The following NUP62CL variants were observed in gnomAD, a reference collection of about 807,000 sequenced individuals.
NUP62CL encodes the protein nucleoporin-62 C-terminal-like protein.
NUP62CL carries 13 observed loss-of-function variants against 15.3 expected under a neutral mutation model. The ratio of observed to expected loss-of-function variants is 0.85; its 90% CI spans 0.55 to 1.35. The LOEUF is 1.35. Among genes scored for constraint, NUP62CL ranks in the 40% most tolerant of loss-of-function variants. The probability of loss-of-function intolerance (pLI) is 0.00; values close to 1 mark genes in which losing one functional copy is unlikely to be tolerated. For synonymous variants in NUP62CL, 54 were observed against 49.2 expected (o/e 1.10, Z -0.41); for missense variants, 123 against 130.6 (o/e 0.94, Z 0.28).
At chrX:107,156,443 A>C (rs1260362362) in intron 4 of NUP62CL, among the ~76,000 whole-genome samples, 1 of 106,456 alleles carries the variant, frequency 9.4e-6, no homozygotes, top group African/African-American at 3.4e-5. Flanking sequence ...GAGAACAGGC[A>C]GACTGCCTCC....
chrX:107,147,761 A>G lies in NUP62CL; in HGVS notation c.*24T>C, dbSNP rs1191543759. 2 of 1,183,426 alleles carry G rather than the reference A, an allele frequency of 1.7e-6. No homozygotes were observed. The highest frequency in any genetic ancestry group is 3.0e-5 in the East Asian group (1 of 33,682). On this transcript the variant is annotated 3_prime_UTR_variant, in exon 8 of 9. Coordinates refer to ENST00000372466, the MANE Select transcript of NUP62CL (RefSeq NM_017681.3). ...CTCCCACCTGAATTCCGATCAATCC[A>G]CTGCAGGGAGTCCATATGGGCATTC... is the stretch of plus-strand genomic sequence containing the variant.
Position 107,133,335 on chromosome X carries a change from CT to C in NUP62CL, c.*43-9004del, listed in dbSNP as rs560078535. 7.3e-3 allele frequency among the ~76,000 whole-genome samples: 766 copies of C among 104,657 alleles called. 6 individuals carry two copies. The highest frequency in any genetic ancestry group is 0.024 in the African/African-American group (685 of 28,854). 90.9% of individuals were successfully genotyped at this position (104,657 alleles called of 115,157 possible). ...AATCTCCCTATTTTAAGATCGATAA[CT>C]TTTTTTTTTTTCCTTTGGGACAGGG... On this transcript the variant is annotated intron_variant, in intron 8 of 8. Coordinates refer to ENST00000372466, the MANE Select transcript of NUP62CL (RefSeq NM_017681.3).
At chrX:107,147,620 G>A (rs377702659) in intron 8 of NUP62CL, 123 bp downstream of exon 8, 2 of 481,089 alleles carry the variant, frequency 4.2e-6, no homozygotes, top group Non-Finnish European at 7.6e-6. Flanking sequence ...TACACATACT[G>A]TGCGTTAAGC....
intron 2 of NUP62CL, among the ~76,000 whole-genome samples, chrX:107,189,812 A>C (rs866973161): frequency 1.5e-5 from 1 of 67,279 alleles, no homozygotes; most frequent in African/African-American, 5.7e-5. Context: ...GAGAGAGAGA[A>C]AGAAAGAAAG....
chrX:107,153,806 G>GA (rs1926106257), intron 5 of NUP62CL, among the ~76,000 whole-genome samples: 1 of 110,682 alleles, frequency 9.0e-6, no homozygotes, highest in African/African-American at 3.3e-5. Flanking sequence ...TATCCCTACT[G>GA]AAAAAACACA....
At position 107,123,972 on chromosome X, in the gene NUP62CL, G is replaced by A. The variant is rs55771212; in HGVS notation, c.*403C>T. On this transcript the variant is annotated 3_prime_UTR_variant, in exon 9 of 9. Coordinates refer to ENST00000372466, the MANE Select transcript of NUP62CL (RefSeq NM_017681.3). ...TGGAGTGAGAAGGATGATGTGTACT[G>A]ATGCCAGGGAGAGTAAGACATAAAT... 1.0e-5 allele frequency: 2 copies of A among 198,339 alleles called. No individual in the cohort carries two copies. Among genetic ancestry groups the A allele is most frequent in the Admixed American group, 7.9e-5 (1 of 12,719 alleles). 16.3% of individuals were successfully genotyped at this position (198,339 alleles called of 1,213,427 possible).
intron 1 of NUP62CL, among the ~76,000 whole-genome samples, chrX:107,204,536 T>C (rs1474319472): frequency 9.1e-6 from 1 of 110,241 alleles, no homozygotes; most frequent in Non-Finnish European, 1.9e-5. Context: ...ATAACATTTG[T>C]TCCCCAAGAA....
chrX:107,189,821 A>G (rs867368357), intron 2 of NUP62CL, among the ~76,000 whole-genome samples: 18 of 54,287 alleles, frequency 3.3e-4, no homozygotes, highest in Middle Eastern at 7.1e-3. Context: ...AAAGAAAGAA[A>G]GAAGGAGGGA....
intron 2 of NUP62CL, among the ~76,000 whole-genome samples, chrX:107,190,319 A>C (rs1365081938): frequency 8.9e-6 from 1 of 112,109 alleles, no homozygotes; most frequent in African/African-American, 3.2e-5. Flanking sequence ...CTCCTGATAA[A>C]TTTCATTTCA....
intron 2 of NUP62CL, among the ~76,000 whole-genome samples, chrX:107,190,591 A>G (rs2147815835): frequency 8.9e-6 from 1 of 111,909 alleles, no homozygotes; most frequent in South Asian, 3.8e-4. Flanking sequence ...ACCTCCAACA[A>G]GAGAAGTGAC....
chrX:107,174,611 T>C (rs113787937), intron 3 of NUP62CL, among the ~76,000 whole-genome samples: 39 of 111,829 alleles, frequency 3.5e-4, no homozygotes, highest in Non-Finnish European at 2.8e-4. Flanking sequence ...ACAATGTCAA[T>C]TAGAACCCCA....
In NUP62CL at chrX:107,167,675, G is replaced by A. The variant is rs1179764110; in HGVS notation, c.168C>T (p.Asn56=). 5.0e-6 allele frequency: 6 copies of A among 1,207,470 alleles called. No homozygotes were observed. The highest frequency in any genetic ancestry group is 6.7e-6 in the Non-Finnish European group (6 of 892,698). ...QNQLLSRGFE[N]LVPYTSTVSV... is the part of the protein sequence containing the mutation. ...TAACAGTTGAAGTATAAGGTACAAG[G>A]TTTTCAAACCCTCTTGATAACAGTT... Residue 56 remains asparagine (N), a synonymous_variant, in exon 4 of 9, where the codon AAC becomes AAT. Coordinates refer to ENST00000372466, the MANE Select transcript of NUP62CL (RefSeq NM_017681.3).
At chrX:107,159,452 C>A (rs1926298443) in intron 4 of NUP62CL, among the ~76,000 whole-genome samples, 1 of 46,948 alleles carries the variant, frequency 2.1e-5, no homozygotes, top group Admixed American at 2.9e-4. Flanking sequence ...GGGCTTCATC[C>A]CTGGGATGCA....
chrX:107,124,140 T>C lies in NUP62CL; in HGVS notation c.*235A>G, dbSNP rs1569352084. On this transcript the variant is annotated 3_prime_UTR_variant, in exon 9 of 9. Transcript: ENST00000372466. ...AATGAAAAAAAGGATGCACAATTCA[T>C]TATGATCAAGATGAAATATTAAGTA... 3.6e-6 allele frequency: 1 copy of C among 278,864 alleles called. No individual in the cohort carries two copies. The highest frequency in any genetic ancestry group is 2.9e-5 in the African/African-American group (1 of 34,665). 23.0% of individuals were successfully genotyped at this position (278,864 alleles called of 1,213,427 possible).
intron 2 of NUP62CL, among the ~76,000 whole-genome samples, chrX:107,182,531 T>G (rs995463361): frequency 1.8e-5 from 2 of 108,496 alleles, no homozygotes; most frequent in African/African-American, 6.8e-5. Context: ...AAAATAGCAG[T>G]TTTTTTTAAA....
rs1355267340 is a variant in NUP62CL at position 107,157,557 on chromosome X, A to C, written c.195-3311T>G. ...TTCATAAGTGAAGGAGAAATAAAATACTTTACAGACAAGCAAGTGCTGAGA... is the reference window on the plus strand; with the variant it reads ...TTCATAAGTGAAGGAGAAATAAAATCCTTTACAGACAAGCAAGTGCTGAGA... On this transcript the variant is annotated intron_variant, in intron 4 of 8. Transcript: ENST00000372466. Among the ~76,000 whole-genome samples, 653 of 106,021 alleles carry C rather than the reference A, an allele frequency of 6.2e-3. 7 individuals carry two copies. Among genetic ancestry groups the C allele is most frequent in the African/African-American group, 0.021 (607 of 28,916 alleles). 92.1% of individuals were successfully genotyped at this position (106,021 alleles called of 115,157 possible). A position where few individuals can be genotyped will look rare whatever the true frequency, so the allele number is the denominator to read the frequency against.
chrX:107,143,493 G>T (rs778740291), intron 8 of NUP62CL, among the ~76,000 whole-genome samples: 1 of 110,832 alleles, frequency 9.0e-6, no homozygotes, highest in South Asian at 3.8e-4. Flanking sequence ...GGGATTGCAG[G>T]TATGAGAGAC....
In NUP62CL at chrX:107,161,409, C is replaced by T. The variant is rs1243671583; in HGVS notation, c.194+6240G>A. 1.8e-3 allele frequency among the ~76,000 whole-genome samples: 164 copies of T among 92,671 alleles called. 1 individual carries two copies. Among genetic ancestry groups the T allele is most frequent in the African/African-American group, 6.4e-3 (157 of 24,574 alleles). 80.5% of individuals were successfully genotyped at this position (92,671 alleles called of 115,157 possible). A position where few individuals can be genotyped will look rare whatever the true frequency, so the allele number is the denominator to read the frequency against. ...AATGTCCAACAATGATAGACTGGAT[C>T]AAGAAAATGTGGCACATATACACCA... is the stretch of plus-strand genomic sequence containing the variant. On this transcript the variant is annotated intron_variant, in intron 4 of 8. Coordinates refer to ENST00000372466, the MANE Select transcript of NUP62CL (RefSeq NM_017681.3).
intron 8 of NUP62CL, among the ~76,000 whole-genome samples, chrX:107,136,287 C>G (rs1925638759): frequency 1.8e-5 from 2 of 111,641 alleles, no homozygotes; most frequent in Non-Finnish European, 3.8e-5. Context: ...GAAATCCTAT[C>G]AACAAATTTA....
Sources: allele counts gnomAD v4.1 joint callset (sites outside exome capture counted in the v4.1 genomes callset), GRCh38; gene constraint gnomAD v4.1.1; transcripts MANE v1.5; gene names NCBI Gene and HGNC (gene_info 2026-07-23, HGNC 2026-07-21).